The following SYK variants were observed in gnomAD, a reference collection of about 807,000 sequenced individuals.
SYK encodes tyrosine-protein kinase SYK.
SYK carries 16 observed loss-of-function variants against 77.8 expected under a neutral mutation model. The observed-to-expected ratio is 0.21, with a 90% confidence interval of 0.14 to 0.31. SYK has a LOEUF of 0.31. SYK is among the 10% of genes least tolerant of loss of function. The probability of loss-of-function intolerance (pLI) is 1.00; values close to 1 mark genes in which losing one functional copy is unlikely to be tolerated. For missense variants in SYK, 529 were observed against 814.4 expected, an observed-to-expected ratio of 0.65 and a Z score of 4.26; for synonymous variants, 312 against 308.7, an observed-to-expected ratio of 1.01 and a Z score of -0.11.
At chr9:90,867,250 G>GC in intron 7 of SYK, 51 bp downstream of exon 7, 1 of 1,580,544 alleles carries the variant, frequency 6.3e-7, no homozygotes, top group Non-Finnish European at 8.7e-7. Flanking sequence ...GGACCAACGC[G>GC]CACTCAGCTC....
chr9:90,830,073 G>A lies in SYK; in HGVS notation c.-41-13785G>A, dbSNP rs151235899. Reference sequence around the variant, plus strand: ...AACATTAGTAAAAATCATGCCTCATGCTACCATCCTTAGCTTCACTTTGTG... The same window carrying A: ...AACATTAGTAAAAATCATGCCTCATACTACCATCCTTAGCTTCACTTTGTG... On this transcript the variant is annotated intron_variant, in intron 1 of 13. Transcript: ENST00000375754. Among the ~76,000 whole-genome samples, 26 of 152,326 alleles carry A rather than the reference G, an allele frequency of 1.7e-4. No homozygotes were observed. The East Asian group carries it at 5.0e-3, about 29-fold the overall frequency.
chr9:90,841,532 T>C (rs919553252), intron 1 of SYK, among the ~76,000 whole-genome samples: 3 of 135,220 alleles, frequency 2.2e-5, no homozygotes, highest in African/African-American at 8.1e-5. Flanking sequence ...AGTGGGCATG[T>C]AGTATGGGGG....
intron 4 of SYK, among the ~76,000 whole-genome samples, chr9:90,863,882 A>G (rs1198749113): frequency 2.0e-5 from 3 of 152,214 alleles, no homozygotes; most frequent in African/African-American, 7.2e-5. Context: ...CACTCACCAT[A>G]GTGTTAAGCA....
chr9:90,857,305 AGAGTCAT>A (rs1587871060), intron 3 of SYK, among the ~76,000 whole-genome samples: 1 of 152,220 alleles, frequency 6.6e-6, no homozygotes, highest in East Asian at 1.9e-4. Context: ...GTCATCATAA[AGAGTCAT>A]GACCTGTCTG....
rs1289838718 is a variant in SYK, at chr9:90,810,465, G to C, written c.-42+8572G>C. Among the ~76,000 whole-genome samples the C allele has an allele frequency of 2.1e-5, 3 of 146,218 alleles. No homozygotes were observed. In the East Asian group the frequency reaches 6.3e-4, roughly 31 times the overall value. ...TTTAAATAAGGTCACACTCAGAGGG[G>C]TTAGGGAGTTAGGACATCAACATTT... On this transcript the variant is annotated intron_variant, in intron 1 of 13. Transcript: ENST00000375754.
At chr9:90,822,698 G>C (rs1357595933) in intron 1 of SYK, among the ~76,000 whole-genome samples, 1 of 152,102 alleles carries the variant, frequency 6.6e-6, no homozygotes, top group African/African-American at 2.4e-5. Context: ...GGTGATATTG[G>C]GCACAGGCTC....
intron 13 of SYK, among the ~76,000 whole-genome samples, chr9:90,890,070 T>C (rs1828729390): frequency 6.6e-6 from 1 of 152,156 alleles, no homozygotes; most frequent in Admixed American, 6.5e-5. Context: ...GAACTCGCAG[T>C]GGGGGAGTTT....
At chr9:90,811,315 C>T (rs12550873) in intron 1 of SYK, among the ~76,000 whole-genome samples, 21,251 of 152,096 alleles carry the variant, frequency 0.14, 1,714 homozygotes, top group Middle Eastern at 0.22. Flanking sequence ...AAAAAAGACA[C>T]AGATGGGTGC....
chr9:90,854,399 C>CT (rs1826941125), intron 3 of SYK, among the ~76,000 whole-genome samples: 1 of 152,124 alleles, frequency 6.6e-6, no homozygotes, highest in Non-Finnish European at 1.5e-5. Flanking sequence ...CCTCAGCGAT[C>CT]TGAGAGGCAT....
At chr9:90,875,678 G>A (rs1293619098) in intron 9 of SYK, among the ~76,000 whole-genome samples, 8 of 151,792 alleles carry the variant, frequency 5.3e-5, no homozygotes, top group Non-Finnish European at 1.0e-4. Context: ...ATTATTTATT[G>A]GCTTTATCCT....
At chr9:90,872,757 C>T (rs1827779293) in intron 7 of SYK, among the ~76,000 whole-genome samples, 1 of 152,252 alleles carries the variant, frequency 6.6e-6, no homozygotes, top group African/African-American at 2.4e-5. Flanking sequence ...AAGTGATTTT[C>T]ATTCATTCAC....
rs759353421 is a variant in SYK, at chr9:90,864,693, C to CA, written c.796+27dup. On this transcript the variant is annotated intron_variant, in intron 5 of 13. Coordinates refer to ENST00000375754, the MANE Select transcript of SYK (RefSeq NM_003177.7). ...GTGAGTTCCCAAGACACTGGAGTCT[C>CA]AGTGTTTGAGGTATCAGTGACAATC... is the stretch of plus-strand genomic sequence containing the variant. 3.1e-6 allele frequency: 5 copies of CA among 1,601,986 alleles called. No homozygotes were observed. In the South Asian group the frequency reaches 5.5e-5, roughly 18 times the overall value.
intron 1 of SYK, among the ~76,000 whole-genome samples, chr9:90,808,568 C>T (rs544610863): frequency 6.6e-6 from 1 of 151,932 alleles, no homozygotes; most frequent in South Asian, 2.1e-4. Flanking sequence ...GTGCACAGGG[C>T]AGGATGGGCC....
intron 3 of SYK, among the ~76,000 whole-genome samples, chr9:90,853,177 T>A (rs963576565): frequency 6.7e-6 from 1 of 149,232 alleles, no homozygotes; most frequent in African/African-American, 2.5e-5. Flanking sequence ...ACTACTTGGA[T>A]AGGAGGAGGG....
rs555956896 is a variant in SYK at position 90,883,160 on chromosome 9, G to A, written c.1581+4207G>A. ...ATCACCAGGCCAAGGACAGAGGGGAGAATGGACACCTTCACACACCCCAGG... is the reference window on the plus strand; with the variant it reads ...ATCACCAGGCCAAGGACAGAGGGGAAAATGGACACCTTCACACACCCCAGG... On this transcript the variant is annotated intron_variant, in intron 11 of 13. Transcript: ENST00000375754. Among the ~76,000 whole-genome samples the A allele has an allele frequency of 9.2e-5, 14 of 152,232 alleles. No homozygotes were observed. The South Asian group carries it at 2.9e-3, about 32-fold the overall frequency.
At chr9:90,840,928 T>TA (rs1180407385) in intron 1 of SYK, among the ~76,000 whole-genome samples, 2 of 152,232 alleles carry the variant, frequency 1.3e-5, no homozygotes, top group Admixed American at 6.5e-5. Flanking sequence ...CTGATGCTCT[T>TA]ACATTTTATA....
At chr9:90,870,567 G>A (rs1242435029) in intron 7 of SYK, among the ~76,000 whole-genome samples, 1 of 152,160 alleles carries the variant, frequency 6.6e-6, no homozygotes, top group African/African-American at 2.4e-5. Context: ...TTGAGAAAAT[G>A]TGTTTTCATA....
chr9:90,802,296 T>C (rs1048332795), intron 1 of SYK, among the ~76,000 whole-genome samples: 1 of 152,166 alleles, frequency 6.6e-6, no homozygotes, highest in Non-Finnish European at 1.5e-5. Flanking sequence ...CCTTTGGCCA[T>C]TTACACGAAT....
intron 1 of SYK, among the ~76,000 whole-genome samples, chr9:90,839,364 C>T (rs1317480582): frequency 6.6e-6 from 1 of 152,200 alleles, no homozygotes; most frequent in East Asian, 1.9e-4. Context: ...CCATCAGCCA[C>T]ATCGGTGCTG....
Sources: gnomAD v4.1 joint callset for allele counts (sites outside exome capture counted in the v4.1 genomes callset) on GRCh38, gnomAD v4.1.1 for gene constraint, MANE v1.5 for transcripts, NCBI Gene and HGNC (gene_info 2026-07-23, HGNC 2026-07-21) for gene names.